Variants in CHD9 observed in about 807,000 individuals in gnomAD.
CHD9 encodes the protein chromodomain helicase DNA binding protein 9.
A neutral mutation model predicts 316.1 loss-of-function variants in CHD9; 77 were observed. That is an observed-to-expected ratio of 0.24 (90% CI 0.20 to 0.29). The LOEUF (loss-of-function observed/expected upper bound fraction) is 0.29. CHD9 is among the 10% of genes least tolerant of loss of function. CHD9 has a pLI of 1.00. For missense variants in CHD9, 2,763 were observed against 3,438.1 expected (o/e 0.80, Z 4.91); for synonymous variants, 1,129 against 1,158.3 (o/e 0.97, Z 0.51).
chr16:53,248,244 G>C (rs1221095948), intron 16 of CHD9: 1 of 151,578 alleles, frequency 6.6e-6, no homozygotes, highest in East Asian at 1.9e-4. Context: ...GCTGAGGCGG[G>C]AGAATGGCGT....
intron 13 of CHD9, among the ~76,000 whole-genome samples, 192 bp downstream of exon 13, chr16:53,243,208 AT>A (rs1280288944): frequency 2.0e-5 from 3 of 152,108 alleles, no homozygotes; most frequent in Non-Finnish European, 4.4e-5. Context: ...ACGACTTCAA[AT>A]TTTTTAGCTC....
intron 1 of CHD9, among the ~76,000 whole-genome samples, chr16:53,101,273 CTTTT>C (rs1012377760): frequency 1.6e-5 from 2 of 124,844 alleles, no homozygotes; most frequent in Non-Finnish European, 3.3e-5. Context: ...TTTTCCTTTT[CTTTT>C]TTTTTTTTTT....
intron 1 of CHD9, among the ~76,000 whole-genome samples, chr16:53,116,533 A>G (rs2038319065): frequency 2.0e-5 from 3 of 152,238 alleles, no homozygotes. Flanking sequence ...AAAGTTAGGC[A>G]GTCCCAGTCA....
chr16:53,093,644 A>G (rs1371696613), intron 1 of CHD9, among the ~76,000 whole-genome samples: 1 of 152,170 alleles, frequency 6.6e-6, no homozygotes, highest in African/African-American at 2.4e-5. Context: ...CCATTGTGTC[A>G]TGTTGTTCTC....
intron 2 of CHD9, among the ~76,000 whole-genome samples, chr16:53,175,056 A>C (rs1044906390): frequency 6.6e-6 from 1 of 152,144 alleles, no homozygotes; most frequent in Non-Finnish European, 1.5e-5. Context: ...CTACTGACAC[A>C]ATCGCCTTGT....
At position 53,236,979 on chromosome 16, in the gene CHD9, G is replaced by T. The variant is rs563179894; in HGVS notation, c.2634-1364G>T. On this transcript the variant is annotated intron_variant, in intron 11 of 38. Coordinates refer to ENST00000447540, the MANE Select transcript of CHD9 (RefSeq NM_001308319.2). ...TCTATACTCCCCGTGCCTTCACGGG[G>T]AGTCCCATACTTTTAAATCTAAGGT... 5.9e-5 allele frequency among the ~76,000 whole-genome samples: 9 copies of T among 152,090 alleles called. No homozygotes were observed. In the South Asian group the frequency reaches 1.9e-3, roughly 32 times the overall value.
intron 1 of CHD9, among the ~76,000 whole-genome samples, chr16:53,102,514 T>C (rs975952308): frequency 1.3e-4 from 20 of 152,060 alleles, no homozygotes; most frequent in Non-Finnish European, 1.9e-4. Context: ...CCAGAGTCTC[T>C]CTTCTGAACT....
chr16:53,123,970 T>C (rs982328687), intron 1 of CHD9, among the ~76,000 whole-genome samples: 1 of 152,216 alleles, frequency 6.6e-6, no homozygotes, highest in Non-Finnish European at 1.5e-5. Flanking sequence ...CCAGTTTGTG[T>C]ATATGCCATT....
At chr16:53,060,228 G>C (rs2032697189) in intron 1 of CHD9, among the ~76,000 whole-genome samples, 1 of 151,646 alleles carries the variant, frequency 6.6e-6, no homozygotes, top group Non-Finnish European at 1.5e-5. Context: ...TTAGCTCACA[G>C]GCTATACAAA....
intron 2 of CHD9, among the ~76,000 whole-genome samples, chr16:53,167,377 A>G (rs2042344169): frequency 6.6e-6 from 1 of 152,136 alleles, no homozygotes; most frequent in Non-Finnish European, 1.5e-5. Context: ...CATATGTAAG[A>G]AATTATGCCA....
chr16:53,313,391 C>T (rs1179500927), intron 34 of CHD9, among the ~76,000 whole-genome samples: 2 of 152,100 alleles, frequency 1.3e-5, no homozygotes, highest in East Asian at 2.0e-4. Flanking sequence ...CAGCAACCTC[C>T]GCCTCCCGGA....
chr16:53,210,336 G>A (rs2046231075), intron 3 of CHD9, among the ~76,000 whole-genome samples: 1 of 151,168 alleles, frequency 6.6e-6, no homozygotes, highest in Admixed American at 6.6e-5. Context: ...AACAATAAGT[G>A]GTTGCCAGTT....
intron 1 of CHD9, among the ~76,000 whole-genome samples, chr16:53,056,512 C>T (rs113275638): frequency 6.6e-6 from 1 of 152,152 alleles, no homozygotes; most frequent in Non-Finnish European, 1.5e-5. Context: ...TGATCTTGCT[C>T]GAAGTTATAT....
At chr16:53,064,414 C>G (rs1319587014) in intron 1 of CHD9, among the ~76,000 whole-genome samples, 1 of 152,028 alleles carries the variant, frequency 6.6e-6, no homozygotes, top group Admixed American at 6.6e-5. Flanking sequence ...CAGCTCATTC[C>G]AGGGGCTCAG....
At chr16:53,290,187 T>C (rs1265370192) in intron 27 of CHD9, among the ~76,000 whole-genome samples, 1 of 152,088 alleles carries the variant, frequency 6.6e-6, no homozygotes, top group African/African-American at 2.4e-5. Flanking sequence ...GGCAGGAGAA[T>C]CACTTGAAGC....
At chr16:53,291,048 T>G (rs1295437778) in intron 27 of CHD9, among the ~76,000 whole-genome samples, 1 of 151,992 alleles carries the variant, frequency 6.6e-6, no homozygotes, top group Non-Finnish European at 1.5e-5. Context: ...GCAGGATAAA[T>G]AAAACTAAGT....
intron 1 of CHD9, among the ~76,000 whole-genome samples, chr16:53,083,347 C>G (rs1596918246): frequency 6.6e-6 from 1 of 152,200 alleles, no homozygotes; most frequent in Non-Finnish European, 1.5e-5. Flanking sequence ...CTTATCGTCT[C>G]CTTCCACTCA....
At chr16:53,106,652 A>C (rs1389192544) in intron 1 of CHD9, among the ~76,000 whole-genome samples, 1 of 84,862 alleles carries the variant, frequency 1.2e-5, no homozygotes, top group Admixed American at 1.0e-4. Context: ...TCAGACACAC[A>C]TACATACACA....
intron 38 of CHD9, among the ~76,000 whole-genome samples, chr16:53,323,216 T>C (rs530033923): frequency 3.9e-5 from 6 of 152,362 alleles, no homozygotes; most frequent in Admixed American, 2.6e-4. Context: ...GATTACATAT[T>C]GAAGTGACAA....
Sources: gnomAD v4.1 joint callset for allele counts (sites outside exome capture counted in the v4.1 genomes callset) on GRCh38, gnomAD v4.1.1 for gene constraint, MANE v1.5 for transcripts, NCBI Gene and HGNC (gene_info 2026-07-23, HGNC 2026-07-21) for gene names.